The following SEC14L3 variants were observed in gnomAD, a reference collection of about 807,000 sequenced individuals.
SEC14L3 encodes SEC14 like lipid binding 3.
In SEC14L3, 56 loss-of-function variants were observed where a neutral mutation model predicts 57.4. The ratio of observed to expected loss-of-function variants is 0.97; its 90% CI spans 0.79 to 1.22. SEC14L3 has a LOEUF of 1.22. Among genes scored for constraint, SEC14L3 ranks in the 50% most tolerant of loss-of-function variants. The probability of loss-of-function intolerance (pLI) is 0.00; values close to 1 mark genes in which losing one functional copy is unlikely to be tolerated. For missense variants in SEC14L3, 485 were observed against 511.7 expected, an observed-to-expected ratio of 0.95 and a Z score of 0.50; for synonymous variants, 173 against 194.4, an observed-to-expected ratio of 0.89 and a Z score of 0.92.
At chr22:30,468,757 G>T in intron 4 of SEC14L3, 61 bp from the exon 5 acceptor site, 2 of 1,613,368 alleles carry the variant, frequency 1.2e-6, no homozygotes, top group Non-Finnish European at 1.7e-6. Context: ...CCCCAGACCA[G>T]GCTGACCTGG....
chr22:30,468,921 C>A, intron 4 of SEC14L3: 1 of 1,485,402 alleles, frequency 6.7e-7, no homozygotes, highest in South Asian at 1.3e-5. Flanking sequence ...GGCCCTTGGA[C>A]TTCTTAGGTC....
At chr22:30,462,231 G>C (rs1470117866) in intron 8 of SEC14L3, 39 bp from the exon 9 acceptor site, 1 of 1,578,992 alleles carries the variant, frequency 6.3e-7, no homozygotes, top group Admixed American at 1.8e-5. Flanking sequence ...AGCAAGCATG[G>C]GGGGCACCAA....
Position 30,461,415 on chromosome 22 carries a change from C to T in SEC14L3, c.976G>A (p.Glu326Lys), listed in dbSNP as rs754558237. 6.2e-7 allele frequency: 1 copy of T among 1,613,890 alleles called. No individual in the cohort carries two copies. Among genetic ancestry groups the T allele is most frequent in the South Asian group, 1.1e-5 (1 of 91,056 alleles). ...FGVFLKTKMG[E>K]RQRAGEMTDV... Reference sequence around the variant, plus strand: ...GTCATCTCCCCTGCCCGCTGTCGCTCCCCCATCTTGGTCTTCAGGAAAACT... The same window carrying T: ...GTCATCTCCCCTGCCCGCTGTCGCTTCCCCATCTTGGTCTTCAGGAAAACT... Residue 326 changes from glutamate to lysine, a missense_variant, in exon 11 of 12, where the codon GAG becomes AAG. By Grantham distance (56) the Glu-to-Lys change is moderately conservative. Transcript: ENST00000215812.
intron 12 of SEC14L3, among the ~76,000 whole-genome samples, chr22:30,453,067 G>C (rs1052198115): frequency 3.9e-5 from 6 of 152,082 alleles, no homozygotes; most frequent in African/African-American, 1.4e-4. Context: ...TTGGCTTCTA[G>C]CACACTGGGC....
chr22:30,468,902 G>A (rs1935515036), intron 4 of SEC14L3: 1 of 1,516,736 alleles, frequency 6.6e-7, no homozygotes, highest in Non-Finnish European at 8.9e-7. Context: ...GCAAAGCCAG[G>A]TCTCAGCAGG....
At chr22:30,468,032 G>A (rs572994325) in intron 5 of SEC14L3, among the ~76,000 whole-genome samples, 1 of 152,278 alleles carries the variant, frequency 6.6e-6, no homozygotes, top group African/African-American at 2.4e-5. Flanking sequence ...TGTAATCCCA[G>A]CACTTTGGGA....
intron 12 of SEC14L3, chr22:30,449,325 T>C: frequency 2.6e-6 from 4 of 1,513,426 alleles, no homozygotes; most frequent in Non-Finnish European, 3.6e-6. Context: ...TCACCAATAC[T>C]AAGGCATATG....
At position 30,462,136 on chromosome 22, in the gene SEC14L3, A is replaced by C. The variant is rs1935288906; in HGVS notation, c.721T>G (p.Phe241Val). Residue 241 changes from phenylalanine (F) to valine (V), a missense_variant, in exon 9 of 12, where the codon TTT becomes GTT. Physicochemically the swap from Phe to Val is conservative, Grantham distance 50. Coordinates refer to ENST00000215812, the MANE Select transcript of SEC14L3 (RefSeq NM_174975.5). ...TCTGGGTCAGTCAGGGTGCCCCCAA[A>C]CTGGGCAGGCAGTTCCTCAGGACTG... The part of the protein sequence containing the change: ...LISPEELPAQ[F>V]GGTLTDPDGN... The C allele has an allele frequency of 6.2e-7, 1 of 1,614,156 alleles. No homozygotes were observed. The highest frequency in any genetic ancestry group is 2.2e-5 in the East Asian group (1 of 44,882).
chr22:30,457,415 C>G (rs1935138551), downstream of SEC14L3, among the ~76,000 whole-genome samples: 1 of 122,648 alleles, frequency 8.2e-6, no homozygotes, highest in East Asian at 2.5e-4. Flanking sequence ...TGGAGTCTTG[C>G]TCTGTTGCTC....
intron 5 of SEC14L3, 45 bp downstream of exon 5, chr22:30,468,463 C>T: frequency 2.0e-6 from 3 of 1,477,766 alleles, no homozygotes; most frequent in Non-Finnish European, 2.8e-6. Flanking sequence ...CCCCCGGCAG[C>T]CTCACCTGCC....
chr22:30,462,104 G>T lies in SEC14L3; in HGVS notation c.753C>A (p.Asn251Lys), dbSNP rs773666194. ...FGGTLTDPDG[N>K]PKCLTKINYG... ...TTTGTACCTTGGTTAAACATTTGGG[G>T]TTCCCATCTGGGTCAGTCAGGGTGC... The change falls in exon 9 of 12, where the codon AAC becomes AAA. Residue 251 changes from asparagine (N) to lysine (K), a missense_variant. Asn to Lys is a moderately conservative substitution (Grantham distance 94). Coordinates refer to ENST00000215812, the MANE Select transcript of SEC14L3 (RefSeq NM_174975.5). 5.0e-6 allele frequency: 8 copies of T among 1,614,118 alleles called. No individual in the cohort carries two copies. The highest frequency in any genetic ancestry group is 6.8e-6 in the Non-Finnish European group (8 of 1,180,004).
At chr22:30,471,766 C>T (rs1437137346) in intron 1 of SEC14L3, 139 bp downstream of exon 1, 1 of 1,265,284 alleles carries the variant, frequency 7.9e-7, no homozygotes, top group East Asian at 2.4e-5. Flanking sequence ...TGGGGCTTGA[C>T]CCTTTGGGAG....
chr22:30,451,853 G>T (rs555287868), intron 12 of SEC14L3, among the ~76,000 whole-genome samples: 1 of 151,932 alleles, frequency 6.6e-6, no homozygotes, highest in African/African-American at 2.4e-5. Context: ...AGCCAGGCAT[G>T]GTGGGACGTG....
At position 30,460,828 on chromosome 22, in the gene SEC14L3, C is replaced by CAAAAAA. The variant is rs747778887; in HGVS notation, c.1081+476_1081+481dup. ...GGACAACAAGAGTGAAACTCTGTCT[C>CAAAAAA]AAAAAAAAAAAAAAAAAAAAAAAGA... On this transcript the variant is annotated intron_variant, in intron 11 of 11. Transcript: ENST00000215812. Among the ~76,000 whole-genome samples, 13 of 104,396 alleles carry CAAAAAA rather than the reference C, an allele frequency of 1.2e-4. No individual in the cohort carries two copies. In the Admixed American group the frequency reaches 1.3e-3, roughly 10 times the overall value. 68.5% of individuals were successfully genotyped at this position (104,396 alleles called of 152,430 possible).
intron 11 of SEC14L3, among the ~76,000 whole-genome samples, chr22:30,460,443 T>C (rs1032091761): frequency 1.1e-4 from 16 of 152,146 alleles, no homozygotes; most frequent in African/African-American, 3.9e-4. Flanking sequence ...TGAAGGCACA[T>C]GGTTGGGTTC....
At chr22:30,458,538 A>T (rs559520692), downstream of SEC14L3, among the ~76,000 whole-genome samples, 3 of 152,128 alleles carry the variant, frequency 2.0e-5, no homozygotes, top group Non-Finnish European at 4.4e-5. Flanking sequence ...GAATCTTAGG[A>T]GGTCATATTC....
chr22:30,468,452 C>G (rs532510258), intron 5 of SEC14L3, 56 bp downstream of exon 5: 215 of 1,339,346 alleles, frequency 1.6e-4, no homozygotes, highest in Non-Finnish European at 2.1e-4. Flanking sequence ...TGAGACCAAT[C>G]CCCCCGGCAG....
Position 30,467,227 on chromosome 22 carries a change from A to C in SEC14L3, c.424-150T>G, listed in dbSNP as rs183956295. The C allele has an allele frequency of 2.5e-3, 2,446 of 959,312 alleles. 13 individuals carry two copies. The highest frequency in any genetic ancestry group is 3.2e-3 in the Admixed American group (108 of 33,948). The allele number at this position is 959,312 out of a possible 1,614,324, so 59.4% of individuals were successfully genotyped here. Reference sequence around the variant, plus strand: ...GACTAACCAGTGAATGCATTTCCCCACTCATCCATCCATCCATCCACATCC... The same window carrying C: ...GACTAACCAGTGAATGCATTTCCCCCCTCATCCATCCATCCATCCACATCC... On this transcript the variant is annotated intron_variant, in intron 5 of 11. Coordinates refer to ENST00000215812, the MANE Select transcript of SEC14L3 (RefSeq NM_174975.5).
intron 11 of SEC14L3, among the ~76,000 whole-genome samples, chr22:30,460,828 CAAAAAAA>C (rs747778887): frequency 7.7e-5 from 8 of 104,420 alleles, no homozygotes; most frequent in Non-Finnish European, 1.2e-4. Flanking sequence ...AACTCTGTCT[CAAAAAAA>C]AAAAAAAAAA....
Sources: allele counts gnomAD v4.1 joint callset (sites outside exome capture counted in the v4.1 genomes callset), GRCh38; gene constraint gnomAD v4.1.1; transcripts MANE v1.5; gene names NCBI Gene and HGNC (gene_info 2026-07-23, HGNC 2026-07-21).